The following SLC35F3 variants were observed in gnomAD, a reference collection of about 807,000 sequenced individuals.
SLC35F3 encodes solute carrier family 35 member F3, also known as putative thiamine transporter SLC35F3.
Under a neutral mutation model 49.9 loss-of-function variants are expected in SLC35F3, and 25 were observed. That is an observed-to-expected ratio of 0.50 (90% CI 0.37 to 0.70). The LOEUF (loss-of-function observed/expected upper bound fraction) is 0.70. Ranked by LOEUF, SLC35F3 falls within the 30% of genes least tolerant of loss-of-function variation. SLC35F3 has a pLI of 0.00. For missense variants in SLC35F3, 525 were observed against 639.8 expected (o/e 0.82, Z 1.94); for synonymous variants, 275 against 265.4 (o/e 1.04, Z -0.35).
chr1:234,013,734 A>G (rs1663759723), intron 2 of SLC35F3, among the ~76,000 whole-genome samples: 1 of 152,032 alleles, frequency 6.6e-6, no homozygotes, highest in Non-Finnish European at 1.5e-5. Flanking sequence ...AATAACCCAG[A>G]AGAAACTGAT....
At chr1:234,140,825 C>A (rs189624042) in intron 2 of SLC35F3, among the ~76,000 whole-genome samples, 86 of 152,264 alleles carry the variant, frequency 5.6e-4, no homozygotes, top group Admixed American at 3.5e-3. Context: ...ATCTCACAGG[C>A]CTACCCTGGT....
rs144058786 is a variant in SLC35F3, at chr1:234,041,838, C to T, written c.283+136080C>T. Among the ~76,000 whole-genome samples, 365 of 152,232 alleles carry T rather than the reference C, an allele frequency of 2.4e-3. 1 individual carries two copies. Among genetic ancestry groups the T allele is most frequent in the Admixed American group, 4.0e-3 (61 of 15,288 alleles). ...GTAGGTATTCAATAATCATATTGAC[C>T]AGATCCTTAGATGGGTGGATGATGG... On this transcript the variant is annotated intron_variant, in intron 2 of 7. Coordinates refer to ENST00000366618, the MANE Select transcript of SLC35F3 (RefSeq NM_173508.4).
intron 2 of SLC35F3, among the ~76,000 whole-genome samples, chr1:234,103,766 C>T (rs550859856): frequency 6.6e-6 from 1 of 152,294 alleles, no homozygotes; most frequent in African/African-American, 2.4e-5. Flanking sequence ...TTCATTGTCT[C>T]TTCTTGGGAA....
chr1:233,947,849 T>A (rs1307124856), intron 2 of SLC35F3, among the ~76,000 whole-genome samples: 1 of 145,802 alleles, frequency 6.9e-6, no homozygotes, highest in Non-Finnish European at 1.5e-5. Context: ...AAAAGAGAAG[T>A]CTTAGTGGGC....
chr1:234,279,544 T>A (rs188558352), intron 3 of SLC35F3, among the ~76,000 whole-genome samples: 2 of 152,192 alleles, frequency 1.3e-5, no homozygotes, highest in Non-Finnish European at 2.9e-5. Context: ...GAGCTGAGTG[T>A]GTCAGTAAGT....
chr1:234,298,383 G>T (rs1668638353), intron 3 of SLC35F3, among the ~76,000 whole-genome samples: 1 of 152,186 alleles, frequency 6.6e-6, no homozygotes, highest in Non-Finnish European at 1.5e-5. Flanking sequence ...GTAAGCCAAT[G>T]AAAGTTTTTG....
intron 2 of SLC35F3, among the ~76,000 whole-genome samples, chr1:233,974,621 G>C (rs1220741491): frequency 6.6e-6 from 1 of 152,102 alleles, no homozygotes; most frequent in Non-Finnish European, 1.5e-5. Flanking sequence ...CTACCCATTT[G>C]CTGTTTCTTA....
intron 3 of SLC35F3, among the ~76,000 whole-genome samples, chr1:234,295,884 A>T (rs1004780206): frequency 7.2e-5 from 11 of 152,206 alleles, no homozygotes; most frequent in Admixed American, 7.2e-4. Context: ...ACTGAGTCTG[A>T]GTTCCAACTT....
intron 2 of SLC35F3, among the ~76,000 whole-genome samples, chr1:233,935,758 C>T (rs564949999): frequency 1.3e-5 from 2 of 152,298 alleles, no homozygotes; most frequent in South Asian, 2.1e-4. Context: ...GTGCAAGCTT[C>T]CCTGTGCCTG....
chr1:234,140,708 A>G lies in SLC35F3; in HGVS notation c.284-90709A>G, dbSNP rs367763579. Among the ~76,000 whole-genome samples the G allele has an allele frequency of 1.6e-4, 25 of 152,326 alleles. No homozygotes were observed. The South Asian group carries it at 5.0e-3, about 30-fold the overall frequency. ...AAAATTCGGCAATGGAAACTATGCG[A>G]TGTATTGTCTTACTCACCCCTCCTT... On this transcript the variant is annotated intron_variant, in intron 2 of 7. Coordinates refer to ENST00000366618, the MANE Select transcript of SLC35F3 (RefSeq NM_173508.4).
chr1:234,146,610 G>C (rs963168591), intron 2 of SLC35F3, among the ~76,000 whole-genome samples: 4 of 150,026 alleles, frequency 2.7e-5, no homozygotes, highest in Non-Finnish European at 4.4e-5. Flanking sequence ...CACCTCCCGG[G>C]TTCAAGTGAT....
chr1:234,185,234 A>G (rs914571122), intron 2 of SLC35F3, among the ~76,000 whole-genome samples: 1 of 152,060 alleles, frequency 6.6e-6, no homozygotes, highest in African/African-American at 2.4e-5. Context: ...ATTAGAGCCA[A>G]GGAGAAGGAG....
chr1:234,145,788 G>T (rs895149352), intron 2 of SLC35F3, among the ~76,000 whole-genome samples: 8 of 152,158 alleles, frequency 5.3e-5, no homozygotes, highest in African/African-American at 1.9e-4. Flanking sequence ...GGTATCCTCA[G>T]TGGGTCCTGG....
intron 2 of SLC35F3, among the ~76,000 whole-genome samples, chr1:234,014,458 T>C (rs1324076940): frequency 1.3e-5 from 2 of 152,082 alleles, no homozygotes; most frequent in Non-Finnish European, 2.9e-5. Flanking sequence ...AACATTTTAG[T>C]GGAAGTACTA....
intron 2 of SLC35F3, among the ~76,000 whole-genome samples, chr1:234,160,427 C>G (rs1372839082): frequency 1.3e-5 from 2 of 152,136 alleles, no homozygotes; most frequent in African/African-American, 4.8e-5. Context: ...AACTCAAGGC[C>G]TCAACTCCAA....
intron 7 of SLC35F3, among the ~76,000 whole-genome samples, chr1:234,321,037 G>GC (rs34198235): frequency 0.012 from 1,545 of 131,522 alleles, 9 homozygotes; most frequent in East Asian, 0.02. Context: ...TTAAAAGATT[G>GC]CCCCCCCCCC....
At chr1:234,189,526 A>AG (rs1321976832) in intron 2 of SLC35F3, among the ~76,000 whole-genome samples, 2 of 151,940 alleles carry the variant, frequency 1.3e-5, no homozygotes, top group Non-Finnish European at 1.5e-5. Flanking sequence ...AAAAAAAAAA[A>AG]AAGAATTTTT....
chr1:234,192,560 T>G (rs1338151521), intron 2 of SLC35F3, among the ~76,000 whole-genome samples: 1 of 152,164 alleles, frequency 6.6e-6, no homozygotes, highest in Non-Finnish European at 1.5e-5. Flanking sequence ...CTCTCACTAC[T>G]TCTATTCAAC....
In SLC35F3 at chr1:233,904,945, G is replaced by GGCGGCCGGC; in HGVS notation, c.-127_-119dup. On this transcript the variant is annotated 5_prime_UTR_variant, in exon 1 of 8. Coordinates refer to ENST00000366618, the MANE Select transcript of SLC35F3 (RefSeq NM_173508.4). ...CGCGGGCGCGCACAAAGCGGCCCGGGGCGGCCGGCGCGGCGCAGACCCTCG... is the reference window on the plus strand; with the variant it reads ...CGCGGGCGCGCACAAAGCGGCCCGGGGCGGCCGGCGCGGCCGGCGCGGCGCAGACCCTCG... 3.0e-6 allele frequency: 3 copies of GGCGGCCGGC among 1,011,640 alleles called. No individual in the cohort carries two copies. Among genetic ancestry groups the GGCGGCCGGC allele is most frequent in the Admixed American group, 3.2e-5 (1 of 31,268 alleles). The allele number at this position is 1,011,640 out of a possible 1,614,324, so 62.7% of individuals were successfully genotyped here.
Sources: allele counts gnomAD v4.1 joint callset (sites outside exome capture counted in the v4.1 genomes callset), GRCh38; gene constraint gnomAD v4.1.1; transcripts MANE v1.5; gene names NCBI Gene and HGNC (gene_info 2026-07-23, HGNC 2026-07-21).